KDM4B: variants seen among roughly 807,000 people sequenced by gnomAD.
The protein encoded by KDM4B is lysine-specific demethylase 4B.
A neutral mutation model predicts 125.2 loss-of-function variants in KDM4B; 32 were observed. The ratio of observed to expected loss-of-function variants is 0.26; its 90% confidence interval spans 0.19 to 0.34. The LOEUF (loss-of-function observed/expected upper bound fraction) is 0.34, where lower values mean the gene tolerates loss of function less well. Among genes scored for constraint, KDM4B ranks in the 10% least tolerant of loss-of-function variants. The pLI is 1.00. For synonymous variants in KDM4B, 721 were observed against 677.9 expected (o/e 1.06, Z -0.99); for missense variants, 1,190 against 1,577.7 (o/e 0.75, Z 4.16).
intron 6 of KDM4B, among the ~76,000 whole-genome samples, chr19:5,058,708 A>G (rs1424605371): frequency 2.0e-5 from 3 of 152,224 alleles, no homozygotes; most frequent in East Asian, 1.9e-4. Flanking sequence ...TTGGTCTGGC[A>G]GGAGCAGATG....
intron 6 of KDM4B, among the ~76,000 whole-genome samples, chr19:5,066,000 G>A (rs960917842): frequency 3.3e-5 from 5 of 152,290 alleles, no homozygotes; most frequent in South Asian, 4.2e-4. Flanking sequence ...AGGGACATGC[G>A]GCTCGTTGCT....
At chr19:5,025,862 AATTT>A (rs1599443493) in intron 2 of KDM4B, among the ~76,000 whole-genome samples, 2 of 151,598 alleles carry the variant, frequency 1.3e-5, no homozygotes, top group African/African-American at 2.4e-5. Flanking sequence ...CTTTTTTTTA[AATTT>A]ATTTATTTAT....
At chr19:5,006,455 C>G (rs1599398343) in intron 1 of KDM4B, among the ~76,000 whole-genome samples, 1 of 152,100 alleles carries the variant, frequency 6.6e-6, no homozygotes, top group Admixed American at 6.6e-5. Context: ...ATCTCCCTGG[C>G]AACTGGAAAT....
At chr19:5,071,192 T>C in intron 7 of KDM4B, 133 bp downstream of exon 7, 1 of 751,778 alleles carries the variant, frequency 1.3e-6, no homozygotes, top group Non-Finnish European at 2.2e-6. Flanking sequence ...TGACATTCTT[T>C]GAGCCATTAC....
At chr19:4,990,497 G>A (rs2034997764) in intron 1 of KDM4B, among the ~76,000 whole-genome samples, 1 of 152,184 alleles carries the variant, frequency 6.6e-6, no homozygotes. Flanking sequence ...GCAGCGTGGC[G>A]AGGAGATGGG....
intron 9 of KDM4B, among the ~76,000 whole-genome samples, chr19:5,085,572 G>A (rs1457451192): frequency 2.0e-5 from 3 of 152,242 alleles, no homozygotes; most frequent in Admixed American, 2.0e-4. Flanking sequence ...TGGGCTCCAC[G>A]CTTCCATTGT....
At chr19:5,117,843 C>G (rs2039287467) in intron 10 of KDM4B, among the ~76,000 whole-genome samples, 1 of 152,194 alleles carries the variant, frequency 6.6e-6, no homozygotes, top group African/African-American at 2.4e-5. Flanking sequence ...TCTGGTCCAC[C>G]CGCTTTCTGC....
At chr19:5,049,503 G>A (rs925404845) in intron 6 of KDM4B, among the ~76,000 whole-genome samples, 1 of 152,012 alleles carries the variant, frequency 6.6e-6, no homozygotes, top group Non-Finnish European at 1.5e-5. Flanking sequence ...TGGCAGGGGT[G>A]GGGCCTGGCA....
intron 14 of KDM4B, among the ~76,000 whole-genome samples, chr19:5,134,838 G>A (rs1318100567): frequency 6.6e-6 from 1 of 152,190 alleles, no homozygotes; most frequent in Non-Finnish European, 1.5e-5. Flanking sequence ...GCTGGGAGCT[G>A]GATTTAGTGC....
In KDM4B at chr19:5,131,219, C is replaced by T. The variant is rs1198473461; in HGVS notation, c.1459C>T (p.Pro487Ser). Residue 487 changes from proline (P) to serine (S), a missense_variant, in exon 12 of 23, where the codon CCC (proline) becomes TCC (serine). Around this residue, in one of 7 missense-constraint regions of KDM4B, gnomAD observed 428 missense variants for 405.1 expected, o/e 1.06. Coordinates refer to ENST00000159111, the MANE Select transcript of KDM4B (RefSeq NM_015015.3). ...EALWLPSPLEPPVLGPGPAAM... is the reference protein window; with the variant it reads ...EALWLPSPLESPVLGPGPAAM... ...GCTGTGGCTGCCATCCCCACTGGAGCCCCCGGTGCTGGGCCCAGGCCCTGC... is the reference window on the plus strand; with the variant it reads ...GCTGTGGCTGCCATCCCCACTGGAGTCCCCGGTGCTGGGCCCAGGCCCTGC... The T allele has an allele frequency of 6.2e-7, 1 of 1,604,800 alleles. No individual in the cohort carries two copies. The highest frequency in any genetic ancestry group is 8.5e-7 in the Non-Finnish European group (1 of 1,176,036).
intron 11 of KDM4B, among the ~76,000 whole-genome samples, chr19:5,125,139 C>A (rs140731271): frequency 6.6e-6 from 1 of 152,236 alleles, no homozygotes; most frequent in African/African-American, 2.4e-5. Flanking sequence ...GGCTCCGCCT[C>A]AGCCTCCCAA....
At chr19:5,006,376 G>C (rs535580126) in intron 1 of KDM4B, among the ~76,000 whole-genome samples, 1 of 152,150 alleles carries the variant, frequency 6.6e-6, no homozygotes, top group East Asian at 1.9e-4. Context: ...GTCCTTCCTG[G>C]CACTCCAGGC....
chr19:5,033,371 C>G (rs984940982), intron 3 of KDM4B, among the ~76,000 whole-genome samples: 2 of 152,172 alleles, frequency 1.3e-5, no homozygotes, highest in African/African-American at 4.8e-5. Flanking sequence ...CTGAGGGACG[C>G]CTTCCAGGGG....
In KDM4B at chr19:5,035,980, G is replaced by A. The variant is rs1002438199; in HGVS notation, c.141+2949G>A. On this transcript the variant is annotated intron_variant, in intron 3 of 22. Coordinates refer to ENST00000159111, the MANE Select transcript of KDM4B (RefSeq NM_015015.3). The surrounding 1 kb of genome is among the most constrained non-coding windows in gnomAD (Gnocchi z 5.3). ...CAGCTGCAGAGTCACGTTGGCACCC[G>A]CATGTGGCACACGCACACCCCCTTC... is the stretch of plus-strand genomic sequence containing the variant. 1.3e-5 allele frequency among the ~76,000 whole-genome samples: 2 copies of A among 152,074 alleles called. No homozygotes were observed. Among genetic ancestry groups the A allele is most frequent in the African/African-American group, 2.4e-5 (1 of 41,410 alleles).
chr19:5,068,755 T>G (rs574560356), intron 6 of KDM4B, among the ~76,000 whole-genome samples: 30 of 152,366 alleles, frequency 2.0e-4, no homozygotes, highest in Non-Finnish European at 4.0e-4. Flanking sequence ...TTGTGATTTC[T>G]GTGGGGGCTG....
At position 5,115,776 on chromosome 19, in the gene KDM4B, T is replaced by C. The variant is rs915847871; in HGVS notation, c.1116-3877T>C. On this transcript the variant is annotated intron_variant, in intron 10 of 22. Transcript: ENST00000159111. The surrounding 1 kb of genome is among the most constrained non-coding windows in gnomAD (Gnocchi z 4.2). ...ATTCCAGGAACGAGTGGCTCTCGGATGTTACCATCTAGAGAAGAGACAAGC... is the reference window on the plus strand; with the variant it reads ...ATTCCAGGAACGAGTGGCTCTCGGACGTTACCATCTAGAGAAGAGACAAGC... Among the ~76,000 whole-genome samples, 3 of 152,042 alleles carry C rather than the reference T, an allele frequency of 2.0e-5. No individual in the cohort carries two copies. The highest frequency in any genetic ancestry group is 4.4e-5 in the Non-Finnish European group (3 of 68,000).
At chr19:5,094,577 G>A (rs753891078) in intron 9 of KDM4B, among the ~76,000 whole-genome samples, 4 of 151,838 alleles carry the variant, frequency 2.6e-5, no homozygotes, top group Non-Finnish European at 5.9e-5. Flanking sequence ...AGGGGACAGC[G>A]TGTGCCTGTG....
chr19:4,972,311 C>CA (rs61405811), intron 1 of KDM4B, among the ~76,000 whole-genome samples: 57,533 of 152,022 alleles, frequency 0.38, 11,463 homozygotes, highest in East Asian at 0.73. Context: ...TTGCTTTCTT[C>CA]TCTGTAAAAT....
chr19:5,082,574 C>T lies in KDM4B; in HGVS notation c.918+70C>T. Reference sequence around the variant, plus strand: ...AGGCTCTTTTTTGCCTCTGCAGCCACACGCCCATAGCTGGTCCAGCAGCCG... The same window carrying T: ...AGGCTCTTTTTTGCCTCTGCAGCCATACGCCCATAGCTGGTCCAGCAGCCG... On this transcript the variant is annotated intron_variant, in intron 9 of 22. Coordinates refer to ENST00000159111, the MANE Select transcript of KDM4B (RefSeq NM_015015.3). The surrounding 1 kb of genome is among the most constrained non-coding windows in gnomAD (Gnocchi z 5.4). 1 of 1,494,006 alleles carries T rather than the reference C, an allele frequency of 6.7e-7. No individual in the cohort carries two copies. The highest frequency in any genetic ancestry group is 8.9e-7 in the Non-Finnish European group (1 of 1,118,078). 92.5% of individuals were successfully genotyped at this position (1,494,006 alleles called of 1,614,324 possible).
Sources: gnomAD v4.1 joint callset for allele counts (sites outside exome capture counted in the v4.1 genomes callset) on GRCh38, gnomAD v4.1.1 for gene constraint, gnomAD v4.1.1 regional missense constraint, Gnocchi (gnomAD v3.1) non-coding constraint, MANE v1.5 for transcripts, NCBI Gene and HGNC (gene_info 2026-07-23, HGNC 2026-07-21) for gene names.